The following BTBD7 variants were observed in gnomAD, a reference collection of about 807,000 sequenced individuals.
BTBD7 encodes the protein BTB domain containing 7.
BTBD7 carries 38 observed loss-of-function variants against 99.9 expected under a neutral mutation model. The observed-to-expected ratio is 0.38, with a 90% CI of 0.29 to 0.50. The LOEUF (loss-of-function observed/expected upper bound fraction) is 0.50. BTBD7 is among the 20% of genes least tolerant of loss of function. The pLI, the probability that BTBD7 is intolerant of heterozygous loss-of-function variation, is 0.93. For synonymous variants in BTBD7, 520 were observed against 511.4 expected, an observed-to-expected ratio of 1.02 and a Z score of -0.23; for missense variants, 1,170 against 1,394.6, an observed-to-expected ratio of 0.84 and a Z score of 2.57.
chr14:93,327,135 G>T (rs530575982), intron 1 of BTBD7, among the ~76,000 whole-genome samples: 2 of 152,182 alleles, frequency 1.3e-5, no homozygotes, highest in African/African-American at 4.8e-5. Flanking sequence ...CGCTCAGCCC[G>T]CTGTCAAAGT....
At chr14:93,259,525 G>A (rs540206513) in intron 5 of BTBD7, among the ~76,000 whole-genome samples, 3 of 152,304 alleles carry the variant, frequency 2.0e-5, no homozygotes, top group South Asian at 4.1e-4. Flanking sequence ...GCTACTCCGT[G>A]AATGACCATG....
At chr14:93,325,909 C>T (rs1328290897) in intron 1 of BTBD7, among the ~76,000 whole-genome samples, 1 of 152,138 alleles carries the variant, frequency 6.6e-6, no homozygotes, top group African/African-American at 2.4e-5. Context: ...CACACAATGA[C>T]ATGGATTTAA....
intron 1 of BTBD7, among the ~76,000 whole-genome samples, chr14:93,311,151 C>T (rs1291793552): frequency 1.3e-5 from 2 of 152,150 alleles, no homozygotes; most frequent in African/African-American, 4.8e-5. Context: ...AATTAATAGA[C>T]TTACATCTAT....
chr14:93,325,744 C>CTATTG (rs58470296), intron 1 of BTBD7, among the ~76,000 whole-genome samples: 1 of 151,544 alleles, frequency 6.6e-6, no homozygotes, highest in Non-Finnish European at 1.5e-5. Flanking sequence ...GTCTGGTGTT[C>CTATTG]TATCACAACT....
At chr14:93,325,746 A>G (rs1221657015) in intron 1 of BTBD7, among the ~76,000 whole-genome samples, 11 of 152,028 alleles carry the variant, frequency 7.2e-5, no homozygotes, top group Admixed American at 6.6e-4. Flanking sequence ...CTGGTGTTCT[A>G]TCACAACTAT....
Position 93,242,122 on chromosome 14 carries a change from T to C in BTBD7, c.*151A>G. On this transcript the variant is annotated 3_prime_UTR_variant, in exon 11 of 11. Transcript: ENST00000334746. ...AACAAAACCTTCTTAGCATGCCATG[T>C]CTAATAAACACATATATACACAAAA... is the stretch of plus-strand genomic sequence containing the variant. 1 of 629,424 alleles carries C rather than the reference T, an allele frequency of 1.6e-6. No homozygotes were observed. Among genetic ancestry groups the C allele is most frequent in the Non-Finnish European group, 2.6e-6 (1 of 377,742 alleles). 39.0% of individuals were successfully genotyped at this position (629,424 alleles called of 1,614,324 possible).
intron 1 of BTBD7, among the ~76,000 whole-genome samples, chr14:93,322,776 T>C (rs756263514): frequency 6.6e-6 from 1 of 152,252 alleles, no homozygotes; most frequent in Non-Finnish European, 1.5e-5. Flanking sequence ...CACAGTATCA[T>C]ATATTTTTAA....
chr14:93,269,519 C>G (rs143563905), intron 3 of BTBD7, among the ~76,000 whole-genome samples: 1 of 152,162 alleles, frequency 6.6e-6, no homozygotes, highest in Non-Finnish European at 1.5e-5. Flanking sequence ...GATCAGAATG[C>G]TTACTCATGG....
Position 93,248,508 on chromosome 14 carries a change from C to T in BTBD7, c.2089G>A (p.Gly697Ser). ...AGCTCTGCAGCAGCATCTGCAAGACCAAACTCTCTTAGCACTCGAATCTGA... is the reference window on the plus strand; with the variant it reads ...AGCTCTGCAGCAGCATCTGCAAGACTAAACTCTCTTAGCACTCGAATCTGA... ...EIQIRVLREF[G>S]LADAAAELLQ... Residue 697 changes from glycine to serine, a missense_variant, in exon 9 of 11, where the codon GGT becomes AGT. By Grantham distance (56) the Gly-to-Ser change is moderately conservative. Coordinates refer to ENST00000334746, the MANE Select transcript of BTBD7 (RefSeq NM_001002860.4). 1 of 1,614,066 alleles carries T rather than the reference C, an allele frequency of 6.2e-7. No individual in the cohort carries two copies. The highest frequency in any genetic ancestry group is 8.5e-7 in the Non-Finnish European group (1 of 1,180,032).
intron 1 of BTBD7, among the ~76,000 whole-genome samples, chr14:93,302,021 G>T (rs1430482642): frequency 6.6e-6 from 1 of 152,134 alleles, no homozygotes; most frequent in African/African-American, 2.4e-5. Flanking sequence ...GCATGTGAGG[G>T]GTAGAGTATG....
Position 93,293,007 on chromosome 14 carries a change from T to C in BTBD7, c.1162+851A>G, listed in dbSNP as rs550716484. Among the ~76,000 whole-genome samples the C allele has an allele frequency of 6.6e-5, 10 of 152,328 alleles. No homozygotes were observed. The South Asian group carries it at 1.9e-3, about 28-fold the overall frequency. On this transcript the variant is annotated intron_variant, in intron 3 of 10. Coordinates refer to ENST00000334746, the MANE Select transcript of BTBD7 (RefSeq NM_001002860.4). ...CAACTTCTAATGTTCTTTTAGCTAA[T>C]ATGCATTAGCTAAATTTCTCAAGTA...
chr14:93,257,726 G>A (rs1176208993), intron 5 of BTBD7, among the ~76,000 whole-genome samples: 5 of 152,224 alleles, frequency 3.3e-5, no homozygotes, highest in Non-Finnish European at 7.4e-5. Context: ...TAAGGTCATT[G>A]TAGAGCATAT....
At chr14:93,295,849 A>G (rs1341662182) in intron 2 of BTBD7, 121 bp downstream of exon 2, 2 of 893,006 alleles carry the variant, frequency 2.2e-6, no homozygotes, top group Non-Finnish European at 3.4e-6. Flanking sequence ...GAAAAAACCT[A>G]GATGCTGCAG....
At chr14:93,249,184 C>G (rs1356333476) in intron 8 of BTBD7, among the ~76,000 whole-genome samples, 1 of 150,414 alleles carries the variant, frequency 6.6e-6, no homozygotes, top group East Asian at 1.9e-4. Flanking sequence ...GAAGGGGCAC[C>G]CAGCCAGACT....
chr14:93,319,157 G>A (rs193225587), intron 1 of BTBD7, among the ~76,000 whole-genome samples: 1 of 152,314 alleles, frequency 6.6e-6, no homozygotes, highest in African/African-American at 2.4e-5. Context: ...AGTGAGCAGT[G>A]AGCCATGACT....
Position 93,256,995 on chromosome 14 carries a change from C to T in BTBD7, c.1608+200G>A. The T allele has an allele frequency of 9.2e-6, 5 of 543,946 alleles. No individual in the cohort carries two copies. The South Asian group carries it at 1.6e-4, about 17-fold the overall frequency. The allele number at this position is 543,946 out of a possible 1,614,324, so 33.7% of individuals were successfully genotyped here. On this transcript the variant is annotated intron_variant, in intron 6 of 10. Transcript: ENST00000334746. ...GTAAGACCTATTTACCCACTCAACTCTCATTCACTGAACATTTTAACTGTA... is the reference window on the plus strand; with the variant it reads ...GTAAGACCTATTTACCCACTCAACTTTCATTCACTGAACATTTTAACTGTA...
intron 1 of BTBD7, among the ~76,000 whole-genome samples, chr14:93,310,356 A>G (rs2139802699): frequency 6.6e-6 from 1 of 152,310 alleles, no homozygotes; most frequent in Non-Finnish European, 1.5e-5. Context: ...AATAAGGTCT[A>G]CACACTGTGA....
intron 4 of BTBD7, among the ~76,000 whole-genome samples, 166 bp downstream of exon 4, chr14:93,263,619 C>T (rs1388472723): frequency 6.6e-6 from 1 of 152,118 alleles, no homozygotes; most frequent in Non-Finnish European, 1.5e-5. Flanking sequence ...AGCCAGTGAG[C>T]CAGAAGGCTT....
intron 8 of BTBD7, among the ~76,000 whole-genome samples, 158 bp from the exon 9 acceptor site, chr14:93,248,812 T>C (rs1230062772): frequency 6.6e-6 from 1 of 152,218 alleles, no homozygotes; most frequent in Non-Finnish European, 1.5e-5. Flanking sequence ...TATATATCTC[T>C]AATTATTTTT....
Sources: allele counts gnomAD v4.1 joint callset (sites outside exome capture counted in the v4.1 genomes callset), GRCh38; gene constraint gnomAD v4.1.1; transcripts MANE v1.5; gene names NCBI Gene and HGNC (gene_info 2026-07-23, HGNC 2026-07-21).